FRK: variants seen among roughly 807,000 people sequenced by gnomAD.
FRK encodes the protein tyrosine-protein kinase FRK.
FRK carries 51 observed loss-of-function variants against 56.4 expected under a neutral mutation model. The observed-to-expected ratio is 0.90, with a 90% CI of 0.72 to 1.14. FRK has a LOEUF of 1.14. Among genes scored for constraint, FRK ranks in the 50% most tolerant of loss-of-function variants. The pLI, the probability that FRK is intolerant of heterozygous loss-of-function variation, is 0.00. For synonymous variants in FRK, 245 were observed against 217.9 expected (o/e 1.12, Z -1.10); for missense variants, 570 against 601.4 (o/e 0.95, Z 0.55).
intron 1 of FRK, among the ~76,000 whole-genome samples, chr6:116,041,072 C>G (rs542605316): frequency 9.9e-5 from 15 of 152,060 alleles, no homozygotes; most frequent in Non-Finnish European, 1.6e-4. Flanking sequence ...ATCATTTTCC[C>G]GGGACCTACT....
At chr6:116,024,094 A>G (rs1775983678) in intron 1 of FRK, among the ~76,000 whole-genome samples, 1 of 151,056 alleles carries the variant, frequency 6.6e-6, no homozygotes, top group African/African-American at 2.4e-5. Context: ...ACACACACAC[A>G]CACACATTAG....
intron 1 of FRK, among the ~76,000 whole-genome samples, chr6:116,048,677 T>C (rs1439324996): frequency 6.6e-6 from 1 of 152,188 alleles, no homozygotes; most frequent in Non-Finnish European, 1.5e-5. Flanking sequence ...TGAGCCACCA[T>C]GCTGAGCCCC....
In FRK at chr6:116,030,683, A is replaced by G. The variant is rs1045844265; in HGVS notation, c.345-26685T>C. Among the ~76,000 whole-genome samples, 4 of 152,304 alleles carry G rather than the reference A, an allele frequency of 2.6e-5. No homozygotes were observed. The East Asian group carries it at 7.7e-4, about 29-fold the overall frequency. On this transcript the variant is annotated intron_variant, in intron 1 of 7. Coordinates refer to ENST00000606080, the MANE Select transcript of FRK (RefSeq NM_002031.3). ...GTGGAAACCCTTCATTGCTTTCCCCATACCTCACCCTGTGAATCTCTTTCA... is the reference window on the plus strand; with the variant it reads ...GTGGAAACCCTTCATTGCTTTCCCCGTACCTCACCCTGTGAATCTCTTTCA...
chr6:116,074,266 TTAATG>T, the FRK span, among the ~76,000 whole-genome samples: 1 of 152,164 alleles, frequency 6.6e-6, no homozygotes, highest in Admixed American at 6.6e-5. Flanking sequence ...GTACATGCTT[TTAATG>T]TTAGGAAGCT....
intron 1 of FRK, among the ~76,000 whole-genome samples, chr6:116,015,259 C>T (rs1298916692): frequency 6.6e-6 from 1 of 152,114 alleles, no homozygotes; most frequent in East Asian, 1.9e-4. Flanking sequence ...CTCACAAGAG[C>T]TGATGGTTTA....
At chr6:115,977,026 CTGTT>C (rs1774015244) in intron 2 of FRK, among the ~76,000 whole-genome samples, 1 of 152,090 alleles carries the variant, frequency 6.6e-6, no homozygotes, top group Admixed American at 6.6e-5. Context: ...TTGTAAACTC[CTGTT>C]TATTTCGTTT....
chr6:115,943,223 A>AT (rs11330350), intron 6 of FRK, 38 bp from the exon 7 acceptor site: 60,061 of 1,170,906 alleles, frequency 0.051, 44 homozygotes, highest in African/African-American at 0.075. Flanking sequence ...AGTTAAAGCA[A>AT]TTTTTTTTTT....
intron 5 of FRK, among the ~76,000 whole-genome samples, chr6:115,953,127 A>C (rs1254020888): frequency 6.6e-6 from 1 of 150,448 alleles, no homozygotes; most frequent in East Asian, 1.9e-4. Flanking sequence ...CTTTCATCTT[A>C]ATAATATTTA....
chr6:115,988,028 C>T (rs892307786), intron 2 of FRK, among the ~76,000 whole-genome samples: 1 of 151,998 alleles, frequency 6.6e-6, no homozygotes, highest in Non-Finnish European at 1.5e-5. Context: ...GAAAGAAAGT[C>T]CCTGCTCTGC....
intron 1 of FRK, among the ~76,000 whole-genome samples, chr6:116,050,140 G>A (rs1777131691): frequency 6.6e-6 from 1 of 152,088 alleles, no homozygotes; most frequent in Non-Finnish European, 1.5e-5. Context: ...GGCACTTAAC[G>A]GCTAGACCTT....
At chr6:115,951,894 A>T (rs1383101406) in intron 5 of FRK, among the ~76,000 whole-genome samples, 5 of 152,162 alleles carry the variant, frequency 3.3e-5, no homozygotes, top group Admixed American at 1.3e-4. Context: ...TTACATTTGC[A>T]GTAAGAAAAT....
intron 1 of FRK, among the ~76,000 whole-genome samples, chr6:116,045,822 C>A (rs1404947695): frequency 1.3e-5 from 2 of 152,146 alleles, no homozygotes; most frequent in African/African-American, 4.8e-5. Flanking sequence ...AGCTTCTGCA[C>A]AGCAAAAGAA....
chr6:116,073,378 G>A, the FRK span, among the ~76,000 whole-genome samples: 1 of 152,188 alleles, frequency 6.6e-6, no homozygotes, highest in Admixed American at 6.6e-5. Context: ...CTTAAGTGAT[G>A]AGTTTCAGCA....
At chr6:115,999,478 C>T (rs1774967716) in intron 2 of FRK, among the ~76,000 whole-genome samples, 1 of 152,208 alleles carries the variant, frequency 6.6e-6, no homozygotes. Context: ...CAACCTTGGG[C>T]TGCTACTTCT....
intron 3 of FRK, among the ~76,000 whole-genome samples, chr6:115,968,299 T>G (rs1773664326): frequency 6.6e-6 from 1 of 152,186 alleles, no homozygotes; most frequent in African/African-American, 2.4e-5. Context: ...GTTTACCACC[T>G]GCCCTATGGT....
At chr6:116,064,763 C>T (rs954704268), upstream of FRK, among the ~76,000 whole-genome samples, 1 of 152,176 alleles carries the variant, frequency 6.6e-6, no homozygotes, top group African/African-American at 2.4e-5. Context: ...TACACAATAA[C>T]CTTCAACAGA....
chr6:115,953,184 T>C (rs1373550830), intron 5 of FRK, among the ~76,000 whole-genome samples: 2,869 of 110,794 alleles, frequency 0.026, 522 homozygotes, highest in East Asian at 0.098. Context: ...AAGGCCATTT[T>C]TTTTTTTTTT....
the FRK span, among the ~76,000 whole-genome samples, chr6:116,100,676 G>A: frequency 6.6e-6 from 1 of 152,194 alleles, no homozygotes. Context: ...GCCGGCATTG[G>A]GGTACCAGGA....
At chr6:116,036,371 C>G (rs1241771382) in intron 1 of FRK, among the ~76,000 whole-genome samples, 1 of 152,152 alleles carries the variant, frequency 6.6e-6, no homozygotes, top group Non-Finnish European at 1.5e-5. Context: ...CAAACTAAAA[C>G]ATTCATTACT....
Sources: gnomAD v4.1 joint callset for allele counts (sites outside exome capture counted in the v4.1 genomes callset) on GRCh38, gnomAD v4.1.1 for gene constraint, MANE v1.5 for transcripts, NCBI Gene and HGNC (gene_info 2026-07-23, HGNC 2026-07-21) for gene names.